The following HSPB8 variants were observed in gnomAD, a reference collection of about 807,000 sequenced individuals.
HSPB8 encodes heat shock protein family B (small) member 8.
HSPB8 carries 9 observed loss-of-function variants against 16.5 expected under a neutral mutation model. The ratio of observed to expected loss-of-function variants is 0.55; its 90% CI spans 0.33 to 0.95. The LOEUF is 0.95. Among genes scored for constraint, HSPB8 ranks in the 40% least tolerant of loss-of-function variants. The probability of loss-of-function intolerance (pLI) is 0.03; values close to 1 mark genes in which losing one functional copy is unlikely to be tolerated. For missense variants in HSPB8, 238 were observed against 251.2 expected (o/e 0.95, Z 0.35); for synonymous variants, 99 against 94.8 (o/e 1.04, Z -0.26).
chr12:119,184,012 C>T (rs570556592), intron 1 of HSPB8, among the ~76,000 whole-genome samples: 1 of 152,268 alleles, frequency 6.6e-6, no homozygotes, highest in South Asian at 2.1e-4. Flanking sequence ...AGATAGGTGT[C>T]GTCATTCCCA....
At chr12:119,185,366 A>G (rs1954668434) in intron 1 of HSPB8, among the ~76,000 whole-genome samples, 1 of 151,796 alleles carries the variant, frequency 6.6e-6, no homozygotes, top group African/African-American at 2.4e-5. Flanking sequence ...ACAGAGTCTC[A>G]CCCTTTTGCT....
intron 2 of HSPB8, among the ~76,000 whole-genome samples, chr12:119,192,675 C>T (rs1954719372): frequency 6.6e-6 from 1 of 151,918 alleles, no homozygotes; most frequent in African/African-American, 2.4e-5. Context: ...AAAGGAAGAA[C>T]AAGATAATAA....
chr12:119,187,355 T>A (rs190553949), intron 2 of HSPB8, among the ~76,000 whole-genome samples: 15 of 152,224 alleles, frequency 9.9e-5, no homozygotes, highest in African/African-American at 3.6e-4. Context: ...ATTTATTTAT[T>A]ATTTATTTAT....
Position 119,179,573 on chromosome 12 carries a change from C to A in HSPB8, c.261C>A (p.Thr87=), listed in dbSNP as rs771874597. 4.3e-6 allele frequency: 7 copies of A among 1,612,362 alleles called. No individual in the cohort carries two copies. In the South Asian group the frequency reaches 4.4e-5, roughly 10 times the overall value. ...ARFGVPAEGR[T]PPPFPGEPWK... is the part of the protein sequence containing the mutation. ...TTGGGGTGCCTGCCGAGGGCAGGAC[C>A]CCCCCACCCTTCCCTGGGGAGCCCT... The change falls in exon 1 of 3, where the codon ACC becomes ACA. Residue 87 remains threonine (T), a synonymous_variant. Coordinates refer to ENST00000281938, the MANE Select transcript of HSPB8 (RefSeq NM_014365.3).
intron 1 of HSPB8, among the ~76,000 whole-genome samples, chr12:119,180,342 C>T (rs1439200365): frequency 6.6e-6 from 1 of 152,146 alleles, no homozygotes; most frequent in Non-Finnish European, 1.5e-5. Flanking sequence ...TGTTCAAGGC[C>T]ACCAAGGAGT....
chr12:119,187,155 T>A, intron 2 of HSPB8, 67 bp downstream of exon 2: 1 of 1,269,634 alleles, frequency 7.9e-7, no homozygotes, highest in East Asian at 2.3e-5. Flanking sequence ...GGACCCATGA[T>A]CTGGGGTCTC....
intron 2 of HSPB8, among the ~76,000 whole-genome samples, chr12:119,191,469 T>G (rs1410769003): frequency 6.6e-6 from 1 of 152,128 alleles, no homozygotes; most frequent in Non-Finnish European, 1.5e-5. Context: ...TTCCCTCTTT[T>G]TCTTCCAAAT....
rs1422113990 is a variant in HSPB8 at position 119,194,100 on chromosome 12, C to G, written c.*242C>G. 5.4e-6 allele frequency: 3 copies of G among 559,062 alleles called. No homozygotes were observed. The highest frequency in any genetic ancestry group is 9.6e-6 in the Non-Finnish European group (3 of 311,622). The allele number at this position is 559,062 out of a possible 1,614,324, so 34.6% of individuals were successfully genotyped here. The stretch of plus-strand genomic sequence containing the variant: ...ACTAGTTTTGCTTTCTTTACCTTTT[C>G]TATCTTGATGAAAATGTTGCACATT... On this transcript the variant is annotated 3_prime_UTR_variant, in exon 3 of 3. Transcript: ENST00000281938.
chr12:119,181,131 T>C (rs1377313302), intron 1 of HSPB8, among the ~76,000 whole-genome samples: 1 of 152,228 alleles, frequency 6.6e-6, no homozygotes, highest in African/African-American at 2.4e-5. Context: ...GTAAAATGTG[T>C]ACATACCTGT....
chr12:119,193,935 G>A lies in HSPB8; in HGVS notation c.*77G>A. 1.3e-6 allele frequency: 2 copies of A among 1,506,562 alleles called. No homozygotes were observed. The highest frequency in any genetic ancestry group is 1.8e-6 in the Non-Finnish European group (2 of 1,084,036). The allele number at this position is 1,506,562 out of a possible 1,614,324, so 93.3% of individuals were successfully genotyped here. A position where few individuals can be genotyped will look rare whatever the true frequency, so the allele number is the denominator to read the frequency against. Reference sequence around the variant, plus strand: ...GATTCCAGGATACATTACTTTAGCTGAACTCAGATTTAGTGCAAGTAAAAT... The same window carrying A: ...GATTCCAGGATACATTACTTTAGCTAAACTCAGATTTAGTGCAAGTAAAAT... On this transcript the variant is annotated 3_prime_UTR_variant, in exon 3 of 3. Coordinates refer to ENST00000281938, the MANE Select transcript of HSPB8 (RefSeq NM_014365.3).
Position 119,178,992 on chromosome 12 carries a change from T to A in HSPB8, c.-321T>A, listed in dbSNP as rs1314712374. The stretch of plus-strand genomic sequence containing the variant: ...TAAGCTCCTGGCTCCGCTCTAGACC[T>A]CAGCGGTTCTGGCTGCCAGCCTGGG... On this transcript the variant is annotated 5_prime_UTR_variant, in exon 1 of 3. Coordinates refer to ENST00000281938, the MANE Select transcript of HSPB8 (RefSeq NM_014365.3). 2.1e-6 allele frequency: 1 copy of A among 466,430 alleles called. No individual in the cohort carries two copies. Among genetic ancestry groups the A allele is most frequent in the East Asian group, 4.3e-5 (1 of 23,010 alleles). The allele number at this position is 466,430 out of a possible 1,614,324, so 28.9% of individuals were successfully genotyped here.
intron 2 of HSPB8, among the ~76,000 whole-genome samples, chr12:119,188,799 A>G (rs536724377): frequency 1.3e-5 from 2 of 152,340 alleles, no homozygotes; most frequent in South Asian, 2.1e-4. Context: ...CCAGCCTTGC[A>G]GAGTTCCTGG....
Position 119,179,040 on chromosome 12 carries a change from C to A in HSPB8, c.-273C>A. The A allele has an allele frequency of 1.9e-6, 1 of 533,582 alleles. No individual in the cohort carries two copies. The highest frequency in any genetic ancestry group is 3.4e-6 in the Non-Finnish European group (1 of 295,510). 33.1% of individuals were successfully genotyped at this position (533,582 alleles called of 1,614,324 possible). ...GGGCAGCCTGGGAAGCCTGGGAGGACGGTGGCTTGCCGGTCTGTCGTGAGG... is the reference window on the plus strand; with the variant it reads ...GGGCAGCCTGGGAAGCCTGGGAGGAAGGTGGCTTGCCGGTCTGTCGTGAGG... On this transcript the variant is annotated 5_prime_UTR_variant, in exon 1 of 3. Transcript: ENST00000281938.
At chr12:119,188,226 ACT>A (rs149750099) in intron 2 of HSPB8, among the ~76,000 whole-genome samples, 301 of 137,042 alleles carry the variant, frequency 2.2e-3, no homozygotes, top group African/African-American at 7.6e-3. Flanking sequence ...TGGCCCCTAA[ACT>A]CTCTCTCTCT....
In HSPB8 at chr12:119,187,158, G is replaced by A. The variant is rs1239737419; in HGVS notation, c.431+70G>A. On this transcript the variant is annotated intron_variant, in intron 2 of 2. Transcript: ENST00000281938. ...GGGGCACACCTGGGACCCATGATCT[G>A]GGGTCTCTCCCTCTTGGGCATCTCT... is the stretch of plus-strand genomic sequence containing the variant. 4.8e-6 allele frequency: 6 copies of A among 1,257,338 alleles called. No individual in the cohort carries two copies. In the South Asian group the frequency reaches 6.0e-5, roughly 13 times the overall value. The allele number at this position is 1,257,338 out of a possible 1,614,324, so 77.9% of individuals were successfully genotyped here. A position where few individuals can be genotyped will look rare whatever the true frequency, so the allele number is the denominator to read the frequency against.
chr12:119,184,529 G>T (rs1163683204), intron 1 of HSPB8, among the ~76,000 whole-genome samples: 1 of 152,202 alleles, frequency 6.6e-6, no homozygotes, highest in Non-Finnish European at 1.5e-5. Context: ...CTGGGCACAG[G>T]CCTGTGCTAG....
chr12:119,187,894 AAAGTGTCC>A (rs1954686929), intron 2 of HSPB8, among the ~76,000 whole-genome samples: 2 of 152,226 alleles, frequency 1.3e-5, no homozygotes, highest in South Asian at 4.1e-4. Flanking sequence ...ATGAAGTTGG[AAAGTGTCC>A]TGAGAACACT....
intron 2 of HSPB8, among the ~76,000 whole-genome samples, chr12:119,189,302 G>GGTGTGTGTGTGTGTGT (rs60310566): frequency 1.3e-4 from 18 of 143,408 alleles, no homozygotes; most frequent in South Asian, 2.3e-4. Context: ...TCTTAAAAGG[G>GGTGTGTGTGTGTGTGT]GTGTGTGTGT....
rs1351554235 is a variant in HSPB8 at position 119,192,533 on chromosome 12, T to C, written c.432-1166T>C. ...AGCCAGGCATGGTGGTGGGTGTCTG[T>C]AATCCACACTACTCAGGAGGCTGAG... is the stretch of plus-strand genomic sequence containing the variant. On this transcript the variant is annotated intron_variant, in intron 2 of 2. Transcript: ENST00000281938. Among the ~76,000 whole-genome samples, 3 of 152,118 alleles carry C rather than the reference T, an allele frequency of 2.0e-5. No homozygotes were observed. The East Asian group carries it at 5.8e-4, about 29-fold the overall frequency.
Sources: gnomAD v4.1 joint callset for allele counts (sites outside exome capture counted in the v4.1 genomes callset) on GRCh38, gnomAD v4.1.1 for gene constraint, MANE v1.5 for transcripts, NCBI Gene and HGNC (gene_info 2026-07-23, HGNC 2026-07-21) for gene names.